Variants in VPS26C observed in about 807,000 individuals in gnomAD.
VPS26C encodes the protein VPS26 endosomal protein sorting factor C, also known as vacuolar protein sorting-associated protein 26C.
VPS26C carries 19 observed loss-of-function variants against 30.6 expected under a neutral mutation model. The observed-to-expected ratio is 0.62, with a 90% CI of 0.43 to 0.91. The LOEUF is 0.91. VPS26C is among the 40% of genes least tolerant of loss of function. The probability of loss-of-function intolerance (pLI) is 0.00; values close to 1 mark genes in which losing one functional copy is unlikely to be tolerated. For synonymous variants in VPS26C, 132 were observed against 151.5 expected, an observed-to-expected ratio of 0.87 and a Z score of 0.95; for missense variants, 318 against 385.1, an observed-to-expected ratio of 0.83 and a Z score of 1.46.
chr21:37,227,657 C>G lies in VPS26C; in HGVS notation c.808G>C (p.Val270Leu). ...CTGGGAGGCGAGTGCCACTTACCCACTTTGAAGTTGGTGGTCTCCAGTGTA... is the reference window on the plus strand; with the variant it reads ...CTGGGAGGCGAGTGCCACTTACCCAGTTTGAAGTTGGTGGTCTCCAGTGTA... ...CPTLETTNFK[V>L]EFEVNIVVLL... The change falls in exon 7 of 8, where the codon GTG becomes CTG. Residue 270 changes from valine (V) to leucine (L), a missense_variant. Physicochemically the swap from Val to Leu is conservative, Grantham distance 32. Transcript: ENST00000309117. 6.2e-7 allele frequency: 1 copy of G among 1,613,804 alleles called. No individual in the cohort carries two copies. The highest frequency in any genetic ancestry group is 8.5e-7 in the Non-Finnish European group (1 of 1,179,772).
chr21:37,247,567 C>T (rs2086149753), intron 1 of VPS26C, among the ~76,000 whole-genome samples: 1 of 151,990 alleles, frequency 6.6e-6, no homozygotes, highest in Admixed American at 6.6e-5. Flanking sequence ...AACACATTCC[C>T]CCCAACCAAG....
At position 37,236,874 on chromosome 21, in the gene VPS26C, A is replaced by G. The variant is rs2086030642; in HGVS notation, c.351+1586T>C. ...TTACTAAGGAACCCACCACCTGTTA[A>G]CTCTCCTACTATATTTTAAGTAGCC... On this transcript the variant is annotated intron_variant, in intron 3 of 7. Coordinates refer to ENST00000309117, the MANE Select transcript of VPS26C (RefSeq NM_006052.2). Among the ~76,000 whole-genome samples the G allele has an allele frequency of 2.6e-5, 4 of 152,256 alleles. No homozygotes were observed. The South Asian group carries it at 8.3e-4, about 32-fold the overall frequency.
At chr21:37,238,367 C>T (rs755880840) in intron 3 of VPS26C, 93 bp downstream of exon 3, 10 of 1,436,538 alleles carry the variant, frequency 7.0e-6, no homozygotes, top group Non-Finnish European at 9.5e-6. Flanking sequence ...GTATTAAATT[C>T]TTGGGCCCGT....
chr21:37,251,893 C>T (rs1356354315), intron 1 of VPS26C, among the ~76,000 whole-genome samples: 2 of 152,164 alleles, frequency 1.3e-5, no homozygotes, highest in Admixed American at 6.5e-5. Flanking sequence ...TGGACTTGAA[C>T]ACAACTGCTA....
intron 1 of VPS26C, among the ~76,000 whole-genome samples, chr21:37,245,008 A>G (rs1252975308): frequency 1.3e-5 from 2 of 152,242 alleles, no homozygotes; most frequent in Non-Finnish European, 2.9e-5. Flanking sequence ...GCATGGGCTC[A>G]TGCAAAGTCA....
intron 2 of VPS26C, among the ~76,000 whole-genome samples, chr21:37,239,696 T>C (rs1225934347): frequency 1.3e-5 from 2 of 151,764 alleles, no homozygotes; most frequent in African/African-American, 4.8e-5. Flanking sequence ...CTCTGCCTCC[T>C]GGGTTCAAGC....
At chr21:37,254,308 G>C (rs1469946022) in intron 1 of VPS26C, among the ~76,000 whole-genome samples, 2 of 152,172 alleles carry the variant, frequency 1.3e-5, no homozygotes, top group Non-Finnish European at 1.5e-5. Flanking sequence ...CAGCAAATGA[G>C]GCTAACAGCC....
upstream of VPS26C, chr21:37,267,435 C>T (rs1486277201): frequency 9.9e-6 from 7 of 710,174 alleles, no homozygotes; most frequent in Admixed American, 4.9e-5. Flanking sequence ...CGGCGTCGCA[C>T]ACACTCCCTA....
At chr21:37,263,599 A>C (rs1011670399) in intron 1 of VPS26C, among the ~76,000 whole-genome samples, 1 of 152,064 alleles carries the variant, frequency 6.6e-6, no homozygotes, top group African/African-American at 2.4e-5. Flanking sequence ...GTCAAACCCT[A>C]CCCCAGAACC....
At position 37,233,494 on chromosome 21, in the gene VPS26C, A is replaced by T. The variant is rs138362977; in HGVS notation, c.352-52T>A. Reference sequence around the variant, plus strand: ...GTTCATTTTAGTGGGATTTGCTTTCATCTTGGAATTATATTCAAAGAGACA... The same window carrying T: ...GTTCATTTTAGTGGGATTTGCTTTCTTCTTGGAATTATATTCAAAGAGACA... On this transcript the variant is annotated intron_variant, in intron 3 of 7. Coordinates refer to ENST00000309117, the MANE Select transcript of VPS26C (RefSeq NM_006052.2). The surrounding 1 kb of genome is among the most constrained non-coding windows in gnomAD (Gnocchi z 5.2). 2.6e-3 allele frequency: 3,380 copies of T among 1,320,542 alleles called. 5 individuals are homozygous for T. Among genetic ancestry groups the T allele is most frequent in the Non-Finnish European group, 3.3e-3 (2,971 of 913,560 alleles). The allele number at this position is 1,320,542 out of a possible 1,614,324, so 81.8% of individuals were successfully genotyped here.
chr21:37,228,529 A>C, intron 5 of VPS26C, 156 bp from the exon 6 acceptor site: 1 of 715,202 alleles, frequency 1.4e-6, no homozygotes, highest in South Asian at 1.9e-5. Flanking sequence ...CGAAGTACTG[A>C]CGTCTTGGAC....
Position 37,226,540 on chromosome 21 carries a change from CTTG to C in VPS26C, c.812-917_812-915del, listed in dbSNP as rs1440630813. The C allele has an allele frequency of 3.3e-5, 5 of 152,356 alleles. No individual in the cohort carries two copies. Among genetic ancestry groups the C allele is most frequent in the African/African-American group, 7.2e-5 (3 of 41,458 alleles). 9.4% of individuals were successfully genotyped at this position (152,356 alleles called of 1,614,324 possible). On this transcript the variant is annotated intron_variant, in intron 7 of 7. Coordinates refer to ENST00000309117, the MANE Select transcript of VPS26C (RefSeq NM_006052.2). The surrounding 1 kb of genome is among the most constrained non-coding windows in gnomAD (Gnocchi z 4.1). ...TCCCTTCAATGGGTTCTCCACCCCT[CTTG>C]TTGTGCCCCCCAGAAGGGTGGAGGG...
intron 5 of VPS26C, 64 bp downstream of exon 5, chr21:37,232,313 C>T: frequency 7.1e-7 from 1 of 1,408,270 alleles, no homozygotes; most frequent in Non-Finnish European, 1.0e-6. Flanking sequence ...CGGGCAATAG[C>T]TAGTCCGTGG....
chr21:37,267,147 G>T, intron 1 of VPS26C, 91 bp downstream of exon 1: 1 of 1,189,766 alleles, frequency 8.4e-7, no homozygotes, highest in Non-Finnish European at 1.2e-6. Flanking sequence ...GCCCCGCCTA[G>T]GGACGCGGGA....
chr21:37,254,534 G>T (rs969957480), intron 1 of VPS26C, among the ~76,000 whole-genome samples: 3 of 152,134 alleles, frequency 2.0e-5, no homozygotes, highest in Non-Finnish European at 2.9e-5. Context: ...GCTCAGGCTG[G>T]GTGCGGTGGC....
chr21:37,248,458 T>C (rs2086159285), intron 1 of VPS26C, among the ~76,000 whole-genome samples: 1 of 152,072 alleles, frequency 6.6e-6, no homozygotes, highest in African/African-American at 2.4e-5. Flanking sequence ...AATTAAAAGA[T>C]AATATTCAAC....
At position 37,240,533 on chromosome 21, in the gene VPS26C, C is replaced by G. The variant is rs527877345; in HGVS notation, c.164G>C (p.Ser55Thr). 1 of 1,614,200 alleles carries G rather than the reference C, an allele frequency of 6.2e-7. No individual in the cohort carries two copies. The highest frequency in any genetic ancestry group is 1.1e-5 in the South Asian group (1 of 91,090). Residue 55 changes from serine to threonine, a missense_variant, in exon 2 of 8, where the codon AGT (serine) becomes ACT (threonine). By Grantham distance (58) the Ser-to-Thr change is moderately conservative (BLOSUM62 1). Transcript: ENST00000309117. ...ATAAAAAGCTTCAAACACACCCACA[C>G]TTTTGGCACTGAGCTGGAGGTTTAC... ...GTVNLQLSAK[S>T]VGVFEAFYNS...
chr21:37,240,171 GGAGTA>G (rs1259713251), intron 2 of VPS26C, among the ~76,000 whole-genome samples: 1 of 152,080 alleles, frequency 6.6e-6, no homozygotes, highest in Non-Finnish European at 1.5e-5. Flanking sequence ...TGCTGAGGCT[GGAGTA>G]GAGTGCTGTG....
In VPS26C at chr21:37,233,355, A is replaced by G; in HGVS notation, c.432+7T>C. The G allele has an allele frequency of 6.2e-7, 1 of 1,613,258 alleles. No homozygotes were observed. ...ATTAAGCACCAGAGTCCCCGAGTGA[A>G]GCTTACAGCGGAGTGAACGATAAAT... On this transcript the variant is annotated splice_region_variant and intron_variant, in intron 4 of 7. Coordinates refer to ENST00000309117, the MANE Select transcript of VPS26C (RefSeq NM_006052.2). The surrounding 1 kb of genome is among the most constrained non-coding windows in gnomAD (Gnocchi z 5.2).
Sources: allele counts gnomAD v4.1 joint callset (sites outside exome capture counted in the v4.1 genomes callset), GRCh38; gene constraint gnomAD v4.1.1; non-coding constraint Gnocchi (gnomAD v3.1); transcripts MANE v1.5; gene names NCBI Gene and HGNC (gene_info 2026-07-23, HGNC 2026-07-21).